The following GPC3 variants were observed in gnomAD, a reference collection of about 807,000 sequenced individuals.
GPC3 encodes glypican-3.
A neutral mutation model predicts 34.4 loss-of-function variants in GPC3; 3 were observed. The observed-to-expected ratio is 0.09, with a 90% CI of 0.04 to 0.23. The LOEUF (loss-of-function observed/expected upper bound fraction) is 0.23. GPC3 is among the 10% of genes least tolerant of loss of function. The pLI is 1.00. For synonymous variants in GPC3, 177 were observed against 174.0 expected (o/e 1.02, Z -0.13); for missense variants, 351 against 445.6 (o/e 0.79, Z 1.91).
At chrX:133,705,525 G>T (rs763454659) in intron 3 of GPC3, among the ~76,000 whole-genome samples, 1 of 112,332 alleles carries the variant, frequency 8.9e-6, no homozygotes, top group Non-Finnish European at 1.9e-5. Context: ...GCTCACAAAA[G>T]TTGGGGAACT....
intron 5 of GPC3, among the ~76,000 whole-genome samples, chrX:133,688,274 T>C (rs1207653106): frequency 9.0e-6 from 1 of 111,647 alleles, no homozygotes; most frequent in Non-Finnish European, 1.9e-5. Context: ...GTTTGCTAAT[T>C]TGAAGGTTTC....
rs750149864 is a variant in GPC3, at chrX:133,684,081, T to C, written c.1292+8288A>G. ...GCTTTCCAAGAGCAATCTTGACTTA[T>C]CTAAGGCAAGGTAGAATATGTAAAC... On this transcript the variant is annotated intron_variant, in intron 5 of 7. Coordinates refer to ENST00000370818, the MANE Select transcript of GPC3 (RefSeq NM_004484.4). 3.7e-4 allele frequency among the ~76,000 whole-genome samples: 42 copies of C among 112,381 alleles called. No individual in the cohort carries two copies. The Admixed American group carries it at 3.8e-3, about 10-fold the overall frequency.
intron 3 of GPC3, among the ~76,000 whole-genome samples, chrX:133,735,468 T>A (rs755850592): frequency 4.5e-5 from 5 of 111,216 alleles, no homozygotes; most frequent in Non-Finnish European, 9.4e-5. Flanking sequence ...CTCAAATGAA[T>A]CATAGACCTA....
At chrX:133,604,995 T>C (rs2070031205) in intron 6 of GPC3, among the ~76,000 whole-genome samples, 1 of 112,009 alleles carries the variant, frequency 8.9e-6, no homozygotes, top group Admixed American at 9.5e-5. Context: ...TTATACGTTG[T>C]GCACATCCAC....
At chrX:133,657,802 G>T (rs2070678260) in intron 6 of GPC3, among the ~76,000 whole-genome samples, 1 of 110,253 alleles carries the variant, frequency 9.1e-6, no homozygotes, top group Non-Finnish European at 1.9e-5. Flanking sequence ...AGGCAGCTGA[G>T]AATTCCCAGG....
At chrX:133,578,862 G>C (rs1387572104) in intron 7 of GPC3, among the ~76,000 whole-genome samples, 2 of 110,354 alleles carry the variant, frequency 1.8e-5, no homozygotes, top group South Asian at 8.0e-4. Context: ...CTGTGATTAT[G>C]AATGTCTGCT....
At chrX:133,795,878 A>C (rs752585145) in intron 2 of GPC3, among the ~76,000 whole-genome samples, 1 of 109,704 alleles carries the variant, frequency 9.1e-6, no homozygotes, top group African/African-American at 3.3e-5. Flanking sequence ...TCACAGTTTA[A>C]TATTTTACTA....
intron 6 of GPC3, among the ~76,000 whole-genome samples, chrX:133,621,452 C>G (rs1297464474): frequency 8.9e-6 from 1 of 112,013 alleles, no homozygotes; most frequent in Admixed American, 9.5e-5. Context: ...CACTCCCACC[C>G]TAATAGTGTG....
At chrX:133,632,820 T>C (rs1002799949) in intron 6 of GPC3, among the ~76,000 whole-genome samples, 1 of 111,751 alleles carries the variant, frequency 8.9e-6, no homozygotes, top group Admixed American at 9.6e-5. Context: ...ATAATAACCA[T>C]ATTTTCAACT....
At chrX:133,616,766 C>T (rs1355268303) in intron 6 of GPC3, among the ~76,000 whole-genome samples, 1 of 104,786 alleles carries the variant, frequency 9.5e-6, no homozygotes, top group Non-Finnish European at 1.9e-5. Flanking sequence ...GGCGCAATCT[C>T]GGCTCACTGC....
chrX:133,824,122 T>G (rs2075734363), intron 2 of GPC3, among the ~76,000 whole-genome samples: 1 of 104,240 alleles, frequency 9.6e-6, no homozygotes, highest in Non-Finnish European at 2.0e-5. Context: ...AATGTTCAAA[T>G]AACCCAAAGG....
At chrX:133,560,374 G>T (rs2069530799) in intron 7 of GPC3, among the ~76,000 whole-genome samples, 2 of 112,297 alleles carry the variant, frequency 1.8e-5, no homozygotes, top group African/African-American at 6.5e-5. Context: ...TGGAGTTTTT[G>T]CCATTAACTG....
At chrX:133,939,174 T>C (rs369837946) in intron 2 of GPC3, among the ~76,000 whole-genome samples, 2 of 111,772 alleles carry the variant, frequency 1.8e-5, no homozygotes, top group South Asian at 7.6e-4. Flanking sequence ...GCTCCTTATG[T>C]TGATGAAGTC....
chrX:133,974,025 A>G (rs1402368040), intron 1 of GPC3, among the ~76,000 whole-genome samples: 3 of 111,492 alleles, frequency 2.7e-5, no homozygotes, highest in Non-Finnish European at 3.8e-5. Flanking sequence ...ACAGCTAATA[A>G]CTTTCAGCGT....
intron 2 of GPC3, among the ~76,000 whole-genome samples, chrX:133,875,511 C>T (rs1370190182): frequency 1.8e-5 from 2 of 111,366 alleles, no homozygotes; most frequent in Non-Finnish European, 3.8e-5. Flanking sequence ...TATTCCAGCT[C>T]AAATAGTTTT....
At chrX:133,980,908 G>A (rs1385812268) in intron 1 of GPC3, among the ~76,000 whole-genome samples, 2 of 112,236 alleles carry the variant, frequency 1.8e-5, no homozygotes, top group Non-Finnish European at 3.8e-5. Context: ...CAACTCTAAA[G>A]ATGGAAGTAG....
intron 2 of GPC3, among the ~76,000 whole-genome samples, chrX:133,790,834 T>C (rs1288502438): frequency 1.8e-5 from 2 of 111,939 alleles, no homozygotes; most frequent in African/African-American, 6.5e-5. Flanking sequence ...CAGGCAGTTA[T>C]TTCTTCTGAA....
chrX:133,632,186 G>A (rs1367186147), intron 6 of GPC3, among the ~76,000 whole-genome samples: 1 of 111,575 alleles, frequency 9.0e-6, no homozygotes, highest in East Asian at 2.8e-4. Flanking sequence ...TGCAACCTCT[G>A]ACTCCTGGGT....
Position 133,753,590 on chromosome X carries a change from A to T in GPC3, c.924T>A (p.Asn308Lys), listed in dbSNP as rs368928269. The T allele has an allele frequency of 4.1e-6, 5 of 1,206,526 alleles. No individual in the cohort carries two copies. Among genetic ancestry groups the T allele is most frequent in the Non-Finnish European group, 4.5e-6 (4 of 891,792 alleles). ...EYILSLEELV[N>K]GMYRIYDMEN... ...CCATGTCATAGATTCTGTACATGCCATTCACAAGTTCTTCAAGGGACAGAA... is the reference window on the plus strand; with the variant it reads ...CCATGTCATAGATTCTGTACATGCCTTTCACAAGTTCTTCAAGGGACAGAA... Residue 308 changes from asparagine to lysine, a missense_variant, in exon 3 of 8, where the codon AAT (asparagine) becomes AAA (lysine). Coordinates refer to ENST00000370818, the MANE Select transcript of GPC3 (RefSeq NM_004484.4).
Sources: gnomAD v4.1 joint callset for allele counts (sites outside exome capture counted in the v4.1 genomes callset) on GRCh38, gnomAD v4.1.1 for gene constraint, MANE v1.5 for transcripts, NCBI Gene and HGNC (gene_info 2026-07-23, HGNC 2026-07-21) for gene names.